Variants in NSMAF observed in about 807,000 individuals in gnomAD.
NSMAF encodes the protein neutral sphingomyelinase activation associated factor.
NSMAF carries 90 observed loss-of-function variants against 134.9 expected under a neutral mutation model. The observed-to-expected ratio is 0.67, with a 90% CI of 0.56 to 0.79. The LOEUF is 0.79. Ranked by LOEUF, NSMAF falls within the 30% of genes least tolerant of loss-of-function variation. The pLI is 0.00. For missense variants in NSMAF, 1,010 were observed against 1,119.0 expected, an observed-to-expected ratio of 0.90 and a Z score of 1.39; for synonymous variants, 358 against 389.6, an observed-to-expected ratio of 0.92 and a Z score of 0.96.
intron 22 of NSMAF, chr8:58,594,517 T>C: frequency 1.8e-6 from 1 of 551,920 alleles, no homozygotes; most frequent in Non-Finnish European, 3.2e-6. Flanking sequence ...TTTGCTTCCC[T>C]GTGTTCCACA....
At chr8:58,643,533 T>A (rs562990225) in intron 1 of NSMAF, among the ~76,000 whole-genome samples, 47 of 122,874 alleles carry the variant, frequency 3.8e-4, no homozygotes, top group Non-Finnish European at 5.1e-5. Context: ...TAGGGACAGA[T>A]CTTTTTTTTT....
intron 2 of NSMAF, among the ~76,000 whole-genome samples, chr8:58,637,017 TACACACAC>T (rs34638032): frequency 7.2e-4 from 106 of 146,996 alleles, no homozygotes; most frequent in Admixed American, 2.0e-3. Context: ...ATTAAGATTA[TACACACAC>T]ACACACACAC....
In NSMAF at chr8:58,631,491, C is replaced by T; in HGVS notation, c.384+5G>A. ...TGCTGGAAATACATGAAAAGCTTTA[C>T]TTACCCTTTCTATTTTATATGGTGC... On this transcript the variant is annotated splice_donor_5th_base_variant and intron_variant, in intron 6 of 30. Coordinates refer to ENST00000038176, the MANE Select transcript of NSMAF (RefSeq NM_003580.4). The T allele has an allele frequency of 2.0e-6, 3 of 1,490,906 alleles. No homozygotes were observed. Among genetic ancestry groups the T allele is most frequent in the Non-Finnish European group, 2.7e-6 (3 of 1,098,638 alleles). The allele number at this position is 1,490,906 out of a possible 1,614,324, so 92.4% of individuals were successfully genotyped here.
At chr8:58,601,682 G>A in intron 14 of NSMAF, 147 bp from the exon 15 acceptor site, 2 of 1,257,392 alleles carry the variant, frequency 1.6e-6, no homozygotes, top group South Asian at 3.5e-5. Flanking sequence ...GAAGATAAGA[G>A]GGAAAGAAAA....
intron 13 of NSMAF, 133 bp from the exon 14 acceptor site, chr8:58,602,270 TGTTA>T (rs573042697): frequency 3.7e-5 from 23 of 613,754 alleles, no homozygotes; most frequent in African/African-American, 3.2e-4. Context: ...GAGTTATTTT[TGTTA>T]GTTATTTATG....
At position 58,583,639 on chromosome 8, in the gene NSMAF, T is replaced by C. The variant is rs1251447524; in HGVS notation, c.*467A>G. 3 of 197,852 alleles carry C rather than the reference T, an allele frequency of 1.5e-5. No homozygotes were observed. Among genetic ancestry groups the C allele is most frequent in the South Asian group, 8.8e-5 (1 of 11,424 alleles). 12.3% of individuals were successfully genotyped at this position (197,852 alleles called of 1,614,324 possible). A position where few individuals can be genotyped will look rare whatever the true frequency, so the allele number is the denominator to read the frequency against. Reference sequence around the variant, plus strand: ...TTCTTAGAATCTGGGTACAGCATTATAGAAAGTAACCACGCTATGAAAACA... The same window carrying C: ...TTCTTAGAATCTGGGTACAGCATTACAGAAAGTAACCACGCTATGAAAACA... On this transcript the variant is annotated 3_prime_UTR_variant, in exon 31 of 31. Transcript: ENST00000038176.
At chr8:58,588,130 A>G (rs1805933512) in intron 26 of NSMAF, among the ~76,000 whole-genome samples, 1 of 152,214 alleles carries the variant, frequency 6.6e-6, no homozygotes, top group Non-Finnish European at 1.5e-5. Context: ...AGGAATTCTA[A>G]CAATTTTAGG....
intron 9 of NSMAF, among the ~76,000 whole-genome samples, chr8:58,622,265 G>T (rs969052273): frequency 2.0e-5 from 3 of 151,946 alleles, no homozygotes; most frequent in Non-Finnish European, 4.4e-5. Context: ...TTTTTGAGAT[G>T]GGGTCTCACT....
rs1807814972 is a variant in NSMAF, at chr8:58,659,577, C to T, written c.55G>A (p.Glu19Lys). 2 of 1,526,280 alleles carry T rather than the reference C, an allele frequency of 1.3e-6. No individual in the cohort carries two copies. Among genetic ancestry groups the T allele is most frequent in the South Asian group, 1.2e-5 (1 of 81,428 alleles). The allele number at this position is 1,526,280 out of a possible 1,614,324, so 94.5% of individuals were successfully genotyped here. ...CTTCTTCAGCTGGGCGCGCACCTCT[C>T]CTTGGAGTAGAGCTGCAGCTGCTGC... The part of the protein sequence containing the change: ...QEQQLQLYSK[E>K]RFSLLLLNLE... The change falls in exon 1 of 31, where the codon GAG becomes AAG. Residue 19 changes from glutamate (E) to lysine (K), a missense_variant. Transcript: ENST00000038176.
At position 58,601,544 on chromosome 8, in the gene NSMAF, C is replaced by CACA; in HGVS notation, c.1126-10_1126-9insTGT. ...ATTTCCTGGTAGCGTGTCTAGAATA[C>CACA]AGAAAAAAAAAAAAAATAGAGCTAA... On this transcript the variant is annotated splice_polypyrimidine_tract_variant and intron_variant, in intron 14 of 30. Transcript: ENST00000038176. 2 of 911,214 alleles carry CACA rather than the reference C, an allele frequency of 2.2e-6. No individual in the cohort carries two copies. The highest frequency in any genetic ancestry group is 2.8e-6 in the Non-Finnish European group (2 of 713,306). The allele number at this position is 911,214 out of a possible 1,614,324, so 56.4% of individuals were successfully genotyped here.
intron 9 of NSMAF, among the ~76,000 whole-genome samples, chr8:58,621,263 G>A (rs1327198589): frequency 6.6e-6 from 1 of 152,180 alleles, no homozygotes; most frequent in African/African-American, 2.4e-5. Context: ...TCCATCCAGT[G>A]TTGCTGCAAA....
At chr8:58,654,490 C>A (rs538832146) in intron 1 of NSMAF, among the ~76,000 whole-genome samples, 2 of 152,138 alleles carry the variant, frequency 1.3e-5, no homozygotes, top group South Asian at 4.2e-4. Context: ...GCGGAGTTTG[C>A]GGTGAGCCAA....
At chr8:58,591,663 T>C (rs1806026692) in intron 23 of NSMAF, among the ~76,000 whole-genome samples, 2 of 151,924 alleles carry the variant, frequency 1.3e-5, no homozygotes, top group East Asian at 3.9e-4. Context: ...AGTTTTGTAT[T>C]TTTAGTAGAG....
At chr8:58,659,316 C>T (rs1416041314) in intron 1 of NSMAF, 1 of 1,527,274 alleles carries the variant, frequency 6.5e-7, no homozygotes, top group Non-Finnish European at 8.8e-7. Flanking sequence ...CATGCCTCGG[C>T]TCCGCGGTGG....
intron 10 of NSMAF, among the ~76,000 whole-genome samples, chr8:58,608,582 G>C (rs938737042): frequency 6.6e-6 from 1 of 152,078 alleles, no homozygotes; most frequent in African/African-American, 2.4e-5. Context: ...ATTGGGAAGG[G>C]GTAAAGGCCC....
At chr8:58,636,004 A>G (rs1314364465) in intron 2 of NSMAF, among the ~76,000 whole-genome samples, 2 of 152,214 alleles carry the variant, frequency 1.3e-5, no homozygotes, top group Non-Finnish European at 2.9e-5. Context: ...GGCCCATTCT[A>G]CTGAAGGTTA....
chr8:58,600,054 G>C (rs765331452), intron 16 of NSMAF, 33 bp from the exon 17 acceptor site: 4 of 1,541,056 alleles, frequency 2.6e-6, no homozygotes, highest in Non-Finnish European at 2.7e-6. Context: ...CCTATTTTCA[G>C]CTAAGGAAAT....
intron 30 of NSMAF, 43 bp downstream of exon 30, chr8:58,585,609 T>C: frequency 7.2e-7 from 1 of 1,394,488 alleles, no homozygotes; most frequent in East Asian, 2.3e-5. Flanking sequence ...TTGAGTTCAT[T>C]ATCTTGAGAA....
intron 9 of NSMAF, among the ~76,000 whole-genome samples, chr8:58,615,257 C>T (rs989425532): frequency 3.7e-4 from 56 of 152,216 alleles, no homozygotes; most frequent in African/African-American, 1.3e-3. Context: ...TAACATCCTT[C>T]TCTCAGTGAC....
Sources: allele counts gnomAD v4.1 joint callset (sites outside exome capture counted in the v4.1 genomes callset), GRCh38; gene constraint gnomAD v4.1.1; transcripts MANE v1.5; gene names NCBI Gene and HGNC (gene_info 2026-07-23, HGNC 2026-07-21).